KRT7: variants seen among roughly 807,000 people sequenced by gnomAD.
The protein encoded by KRT7 is keratin, type II cytoskeletal 7.
In KRT7, 50 loss-of-function variants were observed where a neutral mutation model predicts 42.8. The observed-to-expected ratio is 1.17, with a 90% CI of 0.93 to 1.48. The LOEUF is 1.48. Among genes scored for constraint, KRT7 ranks in the 40% most tolerant of loss-of-function variants. The pLI, the probability that KRT7 is intolerant of heterozygous loss-of-function variation, is 0.00. For synonymous variants in KRT7, 268 were observed against 266.3 expected, an observed-to-expected ratio of 1.01 and a Z score of -0.06; for missense variants, 588 against 637.6, an observed-to-expected ratio of 0.92 and a Z score of 0.84.
chr12:52,248,483 G>T, intron 8 of KRT7, 108 bp from the exon 9 acceptor site: 1 of 1,213,736 alleles, frequency 8.2e-7, no homozygotes, highest in Non-Finnish European at 1.2e-6. Flanking sequence ...AGGGGGGCAG[G>T]GGTGAGGGAG....
At position 52,248,222 on chromosome 12, in the gene KRT7, G is replaced by T; in HGVS notation, c.1240+11G>T. ...GAGCCGTGAATATCTGTAAGTCCTT[G>T]GCTGCGGCCCATGGGAAGCATCCCT... is the stretch of plus-strand genomic sequence containing the variant. On this transcript the variant is annotated intron_variant, in intron 8 of 8. Transcript: ENST00000331817. 1 of 1,613,972 alleles carries T rather than the reference G, an allele frequency of 6.2e-7. No homozygotes were observed. Among genetic ancestry groups the T allele is most frequent in the Non-Finnish European group, 8.5e-7 (1 of 1,179,898 alleles).
At chr12:52,255,367 A>C (rs1486024784), downstream of KRT7, 1 of 456,782 alleles carries the variant, frequency 2.2e-6, no homozygotes, top group South Asian at 1.5e-5. Flanking sequence ...AAGGCCACAA[A>C]TTCATTCTCA....
chr12:52,241,621 CT>C lies in KRT7; in HGVS notation c.844del (p.Trp282GlyfsTer30), dbSNP rs1942092860. On this transcript the variant is annotated frameshift_variant, in exon 5 of 9. Coordinates refer to ENST00000331817, the MANE Select transcript of KRT7 (RefSeq NM_005556.4). LOFTEE classifies it high-confidence loss of function. ...AKCSRAEAEA[W>X]YQTKFETLQA... Reference sequence around the variant, plus strand: ...AATGCAGCCGGGCTGAGGCTGAAGCCTGGTACCAGACCAAGGTGTGAGGCCA... The same window carrying C: ...AATGCAGCCGGGCTGAGGCTGAAGCCGGTACCAGACCAAGGTGTGAGGCCA... 1 of 1,610,448 alleles carries C rather than the reference CT, an allele frequency of 6.2e-7. No homozygotes were observed. Among genetic ancestry groups the C allele is most frequent in the Non-Finnish European group, 8.5e-7 (1 of 1,177,962 alleles).
chr12:52,241,540 C>T lies in KRT7; in HGVS notation c.762C>T (p.Ser254=). 2 of 1,614,016 alleles carry T rather than the reference C, an allele frequency of 1.2e-6. No homozygotes were observed. The highest frequency in any genetic ancestry group is 1.7e-6 in the Non-Finnish European group (2 of 1,179,922). ...TGCTGTCCATGGACAACAGTCGCTC[C>T]CTGGACCTGGACGGCATCATCGCTG... ...SVVLSMDNSR[S]LDLDGIIAEV... Residue 254 remains serine (S), a synonymous_variant, in exon 5 of 9, where the codon TCC becomes TCT. Coordinates refer to ENST00000331817, the MANE Select transcript of KRT7 (RefSeq NM_005556.4).
chr12:52,251,760 T>G, downstream of KRT7: 1 of 352,252 alleles, frequency 2.8e-6, no homozygotes. Flanking sequence ...ACTGCCCCAC[T>G]CCATCTTTCC....
downstream of KRT7, chr12:52,251,791 G>A (rs1270093512): frequency 5.6e-6 from 2 of 355,994 alleles, no homozygotes; most frequent in East Asian, 7.4e-5. Flanking sequence ...TGCAAACTAC[G>A]GCCACATGCA....
chr12:52,253,562 A>G (rs1468119527), downstream of KRT7: 1 of 1,600,376 alleles, frequency 6.2e-7, no homozygotes. Flanking sequence ...CATCCCTCCA[A>G]CTGCCATGTC....
intron 6 of KRT7, 57 bp from the exon 7 acceptor site, chr12:52,245,355 G>C (rs1378686905): frequency 6.3e-7 from 1 of 1,577,174 alleles, no homozygotes; most frequent in African/African-American, 1.3e-5. Context: ...CTGCAGGATG[G>C]GCAGGCAGGA....
intron 5 of KRT7, among the ~76,000 whole-genome samples, chr12:52,242,195 A>C (rs1970726): frequency 0.51 from 77,164 of 151,550 alleles, 19,946 homozygotes; most frequent in Non-Finnish European, 0.55. Flanking sequence ...CTGGTCTCAA[A>C]CTCCTGACCT....
At position 52,233,384 on chromosome 12, in the gene KRT7, C is replaced by T. The variant is rs1311610533; in HGVS notation, c.88C>T (p.Arg30Cys). The T allele has an allele frequency of 1.3e-6, 2 of 1,567,608 alleles. No individual in the cohort carries two copies. The highest frequency in any genetic ancestry group is 2.9e-5 in the African/African-American group (2 of 69,990). ...CGCCCAGGTGCGCCTGAGCTCCGCT[C>T]GCCCCGGCGGCCTTGGCAGCAGCAG... ...RGAQVRLSSA[R>C]PGGLGSSSLY... Residue 30 changes from arginine to cysteine, a missense_variant, in exon 1 of 9, where the codon CGC becomes TGC. Transcript: ENST00000331817.
At chr12:52,251,625 C>G (rs1416949956), downstream of KRT7, among the ~76,000 whole-genome samples, 1 of 152,188 alleles carries the variant, frequency 6.6e-6, no homozygotes, top group Admixed American at 6.5e-5. Context: ...ATAGCTAAAC[C>G]TAGGAAAGTA....
intron 8 of KRT7, 75 bp downstream of exon 8, chr12:52,248,286 A>C (rs1370148361): frequency 1.4e-6 from 2 of 1,480,786 alleles, no homozygotes; most frequent in East Asian, 4.5e-5. Context: ...AGAATGGCAG[A>C]CTGGCCCAGG....
downstream of KRT7, chr12:52,255,520 CA>C (rs1327126952): frequency 6.9e-6 from 3 of 434,802 alleles, no homozygotes; most frequent in South Asian, 3.2e-5. Flanking sequence ...TCACAAGAAT[CA>C]AAAAAGTGTT....
chr12:52,238,843 GC>G, intron 4 of KRT7, 68 bp downstream of exon 4: 3 of 948,928 alleles, frequency 3.2e-6, no homozygotes, highest in South Asian at 1.4e-5. Flanking sequence ...ATCTGGTCCA[GC>G]CCCCCGCCTC....
rs373436192 is a variant in KRT7 at position 52,233,260 on chromosome 12, C to T, written c.-37C>T. ...CCGAGGTCAGCGAGTGCGCGCTCCT[C>T]CTCGCCCGCCGCTAGGTCCATCCCG... On this transcript the variant is annotated 5_prime_UTR_variant, in exon 1 of 9. Coordinates refer to ENST00000331817, the MANE Select transcript of KRT7 (RefSeq NM_005556.4). 106 of 1,464,240 alleles carry T rather than the reference C, an allele frequency of 7.2e-5. 1 individual carries two copies. In the African/African-American group the frequency reaches 1.2e-3, roughly 17 times the overall value. The allele number at this position is 1,464,240 out of a possible 1,614,324, so 90.7% of individuals were successfully genotyped here. A position where few individuals can be genotyped will look rare whatever the true frequency, so the allele number is the denominator to read the frequency against.
At chr12:52,245,891 T>G in intron 7 of KRT7, 1 of 514,728 alleles carries the variant, frequency 1.9e-6, no homozygotes, top group Non-Finnish European at 3.4e-6. Flanking sequence ...CTTCTTAGGG[T>G]TATCATATTT....
intron 6 of KRT7, among the ~76,000 whole-genome samples, chr12:52,244,851 A>C (rs543734843): frequency 9.7e-4 from 148 of 152,194 alleles, no homozygotes; most frequent in African/African-American, 3.3e-3. Flanking sequence ...GGGGGCATCT[A>C]GGAGGGTCTC....
intron 6 of KRT7, among the ~76,000 whole-genome samples, chr12:52,243,699 C>G (rs914887914): frequency 2.6e-5 from 4 of 152,228 alleles, no homozygotes; most frequent in African/African-American, 9.6e-5. Flanking sequence ...TTGTTGTTTT[C>G]TCCTCCCTGG....
chr12:52,253,317 C>T (rs1442095111), downstream of KRT7: 10 of 1,612,790 alleles, frequency 6.2e-6, no homozygotes, highest in Non-Finnish European at 8.5e-6. Flanking sequence ...TGCCTGATCA[C>T]CGTGGCCTTC....
Sources: allele counts gnomAD v4.1 joint callset (sites outside exome capture counted in the v4.1 genomes callset), GRCh38; gene constraint gnomAD v4.1.1; transcripts MANE v1.5; gene names NCBI Gene and HGNC (gene_info 2026-07-23, HGNC 2026-07-21).